DNAH2: variants seen among roughly 807,000 people sequenced by gnomAD.
The protein encoded by DNAH2 is dynein axonemal heavy chain 2.
In DNAH2, 323 loss-of-function variants were observed where a neutral mutation model predicts 523.5. The observed-to-expected ratio is 0.62, with a 90% CI of 0.56 to 0.68. The LOEUF is 0.68. Ranked by LOEUF, DNAH2 falls within the 30% of genes least tolerant of loss-of-function variation. DNAH2 has a pLI of 0.00. For missense variants in DNAH2, 4,907 were observed against 5,701.5 expected (o/e 0.86, Z 4.49); for synonymous variants, 2,093 against 2,177.4 (o/e 0.96, Z 1.08).
chr17:7,825,724 T>G (rs2151339863), intron 77 of DNAH2, among the ~76,000 whole-genome samples: 1 of 152,330 alleles, frequency 6.6e-6, no homozygotes, highest in South Asian at 2.1e-4. Flanking sequence ...GTCCTTTTCA[T>G]GATTTCAACT....
chr17:7,826,858 GA>G (rs932673721), intron 77 of DNAH2, among the ~76,000 whole-genome samples: 2 of 151,938 alleles, frequency 1.3e-5, no homozygotes, highest in African/African-American at 4.8e-5. Context: ...TTTTAAGAAA[GA>G]AAAATCCCAG....
rs547959231 is a variant in DNAH2 at position 7,741,085 on chromosome 17, G to C, written c.1689+93G>C. 2.0e-6 allele frequency: 3 copies of C among 1,466,590 alleles called. No individual in the cohort carries two copies. The South Asian group carries it at 4.2e-5, about 20-fold the overall frequency. 90.8% of individuals were successfully genotyped at this position (1,466,590 alleles called of 1,614,324 possible). A position where few individuals can be genotyped will look rare whatever the true frequency, so the allele number is the denominator to read the frequency against. On this transcript the variant is annotated intron_variant, in intron 11 of 85. Transcript: ENST00000572933. ...TGAGAGGTTCCCCAAAGAGTCTTCA[G>C]GACCAGCACCTATGTCGGTGAGGGG...
intron 28 of DNAH2, among the ~76,000 whole-genome samples, chr17:7,774,398 G>A (rs2076394667): frequency 6.6e-6 from 1 of 152,034 alleles, no homozygotes. Context: ...TAAAACCTAG[G>A]GATTATTTCT....
intron 2 of DNAH2, among the ~76,000 whole-genome samples, chr17:7,723,025 A>G (rs1286384560): frequency 1.5e-5 from 2 of 130,196 alleles, no homozygotes; most frequent in African/African-American, 3.0e-5. Context: ...GCTGGAGTGC[A>G]GTGGCGCAAT....
intron 49 of DNAH2, 73 bp from the exon 50 acceptor site, chr17:7,796,391 C>T (rs916296705): frequency 4.5e-6 from 7 of 1,545,230 alleles, no homozygotes; most frequent in African/African-American, 4.1e-5. Context: ...GCCCATGAGC[C>T]AAGCTCTTTA....
chr17:7,767,573 C>T (rs2076203052), intron 22 of DNAH2, among the ~76,000 whole-genome samples: 1 of 151,596 alleles, frequency 6.6e-6, no homozygotes, highest in African/African-American at 2.4e-5. Flanking sequence ...ACAAGTCTCC[C>T]TATTTCTCCA....
At chr17:7,766,296 C>T (rs560434185) in intron 21 of DNAH2, 22 bp from the exon 22 acceptor site, 1 of 1,606,422 alleles carries the variant, frequency 6.2e-7, no homozygotes, top group East Asian at 2.2e-5. Context: ...GGAAGCTGAG[C>T]TTCATCCTGA....
intron 44 of DNAH2, among the ~76,000 whole-genome samples, chr17:7,790,391 T>G (rs1469868465): frequency 6.6e-6 from 1 of 151,958 alleles, no homozygotes; most frequent in Non-Finnish European, 1.5e-5. Context: ...CCCAGCTAAT[T>G]TTTGATTATT....
chr17:7,719,870 C>A lies in DNAH2; in HGVS notation c.136C>A (p.Leu46Met). ...TGCCCCGGCTGTCAGTGAGCCAGAG[C>A]TGCAGGCTGAGCTCCCCAAGGAGGA... ...GNAPAVSEPE[L>M]QAELPKEEPE... The change falls in exon 2 of 86, where the codon CTG (leucine) becomes ATG (methionine). Residue 46 changes from leucine to methionine, a missense_variant. Transcript: ENST00000572933. The A allele has an allele frequency of 6.3e-7, 1 of 1,582,152 alleles. No homozygotes were observed. The highest frequency in any genetic ancestry group is 8.6e-7 in the Non-Finnish European group (1 of 1,164,428).
In DNAH2 at chr17:7,824,230, G is replaced by A. The variant is rs772517065; in HGVS notation, c.11588G>A (p.Arg3863His). The A allele has an allele frequency of 2.0e-5, 32 of 1,605,698 alleles. No homozygotes were observed. Among genetic ancestry groups the A allele is most frequent in the East Asian group, 6.7e-5 (3 of 44,778 alleles). ...GCAGAGCACATGGGCATGGCCCAGC[G>A]CTTCCACGCCCTGTCCCTGGGCCAG... ...QLAEHMGMAQ[R>H]FHALSLGQGQ... Residue 3863 changes from arginine to histidine, a missense_variant, in exon 76 of 86, where the codon CGC (arginine) becomes CAC (histidine). Arg to His is a conservative substitution (Grantham distance 29). Around this residue, in one of 3 missense-constraint regions of DNAH2, gnomAD observed 1,851 missense variants for 2,139.4 expected, o/e 0.87. Transcript: ENST00000572933.
At position 7,768,060 on chromosome 17, in the gene DNAH2, A is replaced by AGGTGGGGAGAAAC; in HGVS notation, c.3837+2_3837+14dup. ...CTCACAAAATTAGCCAAAGAGTATA[A>AGGTGGGGAGAAAC]GGTGGGGAGAAACGGCGGGGAGGCG... On this transcript the variant is annotated frameshift_variant and splice_region_variant, in exon 23 of 86. Coordinates refer to ENST00000572933, the MANE Select transcript of DNAH2 (RefSeq NM_020877.5). LOFTEE classifies it high-confidence loss of function. The AGGTGGGGAGAAAC allele has an allele frequency of 6.2e-7, 1 of 1,614,130 alleles. No individual in the cohort carries two copies. The highest frequency in any genetic ancestry group is 8.5e-7 in the Non-Finnish European group (1 of 1,180,016).
At position 7,774,849 on chromosome 17, in the gene DNAH2, TC is replaced by T. The variant is rs1567677271; in HGVS notation, c.4597del (p.Arg1533AlafsTer37). The T allele has an allele frequency of 1.2e-6, 2 of 1,614,166 alleles. No homozygotes were observed. The highest frequency in any genetic ancestry group is 1.7e-6 in the Non-Finnish European group (2 of 1,180,024). On this transcript the variant is annotated frameshift_variant, in exon 29 of 86. Coordinates refer to ENST00000572933, the MANE Select transcript of DNAH2 (RefSeq NM_020877.5). LOFTEE classifies it high-confidence loss of function. ...DMYLETKRHIFPRFYFLSNDD... is the reference protein window; with the variant it reads ...DMYLETKRHIXPRFYFLSNDD... ...TATTTAGAGACCAAGCGACATATTT[TC>T]CCCCGCTTCTACTTCTTGTCCAATG...
chr17:7,743,680 A>AAC, intron 12 of DNAH2: 1 of 278,278 alleles, frequency 3.6e-6, no homozygotes, highest in Non-Finnish European at 6.8e-6. Flanking sequence ...AAAAATCAAA[A>AAC]ACCACTCCAC....
intron 69 of DNAH2, 63 bp from the exon 70 acceptor site, chr17:7,818,580 G>A: frequency 6.2e-7 from 1 of 1,605,964 alleles, no homozygotes; most frequent in South Asian, 1.1e-5. Flanking sequence ...AAGGTGGAAA[G>A]AGATGAGGAA....
In DNAH2 at chr17:7,719,865, C is replaced by T. The variant is rs781523714; in HGVS notation, c.131C>T (p.Pro44Leu). ...EQGNAPAVSE[P>L]ELQAELPKEE... ...GGGAATGCCCCGGCTGTCAGTGAGC[C>T]AGAGCTGCAGGCTGAGCTCCCCAAG... is the stretch of plus-strand genomic sequence containing the variant. The change falls in exon 2 of 86, where the codon CCA becomes CTA. Residue 44 changes from proline to leucine, a missense_variant. Physicochemically the swap from Pro to Leu is moderately conservative, Grantham distance 98. Transcript: ENST00000572933. The T allele has an allele frequency of 1.9e-6, 3 of 1,587,014 alleles. No individual in the cohort carries two copies. The highest frequency in any genetic ancestry group is 2.3e-5 in the South Asian group (2 of 86,838).
intron 12 of DNAH2, among the ~76,000 whole-genome samples, chr17:7,749,355 A>G (rs2075620501): frequency 6.8e-6 from 1 of 147,048 alleles, no homozygotes; most frequent in South Asian, 2.1e-4. Context: ...AAAAGAAAGA[A>G]AAAAGAAAAT....
At chr17:7,765,651 T>TG in intron 21 of DNAH2, 86 bp downstream of exon 21, 3 of 1,473,272 alleles carry the variant, frequency 2.0e-6, no homozygotes, top group Non-Finnish European at 2.8e-6. Flanking sequence ...AGGCGAGAAC[T>TG]GGGAGGGGAG....
At chr17:7,724,325 T>G (rs60279025) in intron 3 of DNAH2, among the ~76,000 whole-genome samples, 2,949 of 152,130 alleles carry the variant, frequency 0.019, 110 homozygotes, top group East Asian at 0.19. Context: ...TTAATATTAA[T>G]ATTTGATATG....
intron 12 of DNAH2, among the ~76,000 whole-genome samples, chr17:7,755,632 C>T (rs1057431772): frequency 6.6e-5 from 10 of 151,910 alleles, no homozygotes; most frequent in African/African-American, 9.7e-5. Context: ...AGCTGGGCCC[C>T]GGGAGCAGGA....
Sources: allele counts gnomAD v4.1 joint callset (sites outside exome capture counted in the v4.1 genomes callset), GRCh38; gene constraint gnomAD v4.1.1; regional missense constraint gnomAD v4.1.1; transcripts MANE v1.5; gene names NCBI Gene and HGNC (gene_info 2026-07-23, HGNC 2026-07-21).